Variants in DCAF6 observed in about 807,000 individuals in gnomAD.
The protein encoded by DCAF6 is DDB1 and CUL4 associated factor 6, also known as DDB1- and CUL4-associated factor 6.
A neutral mutation model predicts 125.1 loss-of-function variants in DCAF6; 54 were observed. The ratio of observed to expected loss-of-function variants is 0.43; its 90% CI spans 0.35 to 0.54. The LOEUF (loss-of-function observed/expected upper bound fraction) is 0.54. Ranked by LOEUF, DCAF6 falls within the 20% of genes least tolerant of loss-of-function variation. The pLI is 0.01. For synonymous variants in DCAF6, 371 were observed against 390.4 expected (o/e 0.95, Z 0.58); for missense variants, 934 against 1,161.7 (o/e 0.80, Z 2.85).
intron 18 of DCAF6, chr1:168,063,961 T>C: frequency 2.4e-6 from 1 of 408,290 alleles, no homozygotes; most frequent in Non-Finnish European, 4.1e-6. Flanking sequence ...AAAACTCTAC[T>C]AAAAAAATGC....
chr1:167,925,452 TATATATATATATATATATATATAC>T, the DCAF6 span, among the ~76,000 whole-genome samples: 1,331 of 112,538 alleles, frequency 0.012, 29 homozygotes, highest in East Asian at 0.061. Context: ...CATATATATA[TATATATATATATATATATATATAC>T]ATATACATAT....
At chr1:167,965,310 T>G (rs146327587) in intron 2 of DCAF6, among the ~76,000 whole-genome samples, 94 of 152,240 alleles carry the variant, frequency 6.2e-4, no homozygotes, top group African/African-American at 2.2e-3. Context: ...GTTAGTAGAT[T>G]AGGCTGGAGT....
At chr1:167,900,786 C>A in the DCAF6 span, among the ~76,000 whole-genome samples, 1 of 152,190 alleles carries the variant, frequency 6.6e-6, no homozygotes, top group Non-Finnish European at 1.5e-5. Context: ...CCCACCTTGG[C>A]CTCCCAAAGT....
chr1:168,071,799 A>G (rs1328123151), intron 21 of DCAF6, among the ~76,000 whole-genome samples: 1 of 152,238 alleles, frequency 6.6e-6, no homozygotes, highest in Non-Finnish European at 1.5e-5. Flanking sequence ...TCAAGGTCCT[A>G]CATGACATAC....
chr1:167,974,733 T>G, intron 3 of DCAF6, 97 bp from the exon 4 acceptor site: 1 of 897,482 alleles, frequency 1.1e-6, no homozygotes, highest in East Asian at 3.0e-5. Flanking sequence ...GAGATGAGAA[T>G]GTTAATGAGA....
intron 19 of DCAF6, 31 bp from the exon 20 acceptor site, chr1:168,066,346 C>A: frequency 2.1e-6 from 3 of 1,429,224 alleles, no homozygotes; most frequent in Non-Finnish European, 2.9e-6. Flanking sequence ...TGTTTCTAGG[C>A]TTCATATTAA....
At position 167,966,493 on chromosome 1, in the gene DCAF6, G is replaced by A. The variant is rs1676446858; in HGVS notation, c.160-136G>A. The A allele has an allele frequency of 1.5e-5, 9 of 605,354 alleles. No individual in the cohort carries two copies. In the South Asian group the frequency reaches 1.8e-4, roughly 12 times the overall value. The allele number at this position is 605,354 out of a possible 1,614,324, so 37.5% of individuals were successfully genotyped here. A position where few individuals can be genotyped will look rare whatever the true frequency, so the allele number is the denominator to read the frequency against. On this transcript the variant is annotated intron_variant, in intron 2 of 21. Coordinates refer to ENST00000367840, the MANE Select transcript of DCAF6 (RefSeq NM_001198956.2). Reference sequence around the variant, plus strand: ...TGTGGCCAAGGGAAGCCATAAGATTGGACACCCCTATGTTAAATACTTTTT... The same window carrying A: ...TGTGGCCAAGGGAAGCCATAAGATTAGACACCCCTATGTTAAATACTTTTT...
At chr1:168,053,020 G>A (rs1279844012) in intron 17 of DCAF6, among the ~76,000 whole-genome samples, 1 of 152,114 alleles carries the variant, frequency 6.6e-6, no homozygotes, top group Non-Finnish European at 1.5e-5. Context: ...AGGACTATTG[G>A]AGTTCTCTGA....
chr1:167,865,474 A>T, the DCAF6 span, among the ~76,000 whole-genome samples: 2 of 152,244 alleles, frequency 1.3e-5, no homozygotes, highest in Non-Finnish European at 2.9e-5. Flanking sequence ...CAAACATGAA[A>T]AATTGGATAA....
the DCAF6 span, among the ~76,000 whole-genome samples, chr1:167,929,362 A>G: frequency 6.6e-6 from 1 of 152,118 alleles, no homozygotes; most frequent in Non-Finnish European, 1.5e-5. Context: ...TCCGTCTCGA[A>G]AAAAGAAAAA....
intron 1 of DCAF6, among the ~76,000 whole-genome samples, chr1:167,938,397 T>A (rs1671682450): frequency 6.6e-6 from 1 of 152,242 alleles, no homozygotes; most frequent in Non-Finnish European, 1.5e-5. Context: ...TTTAAATTAT[T>A]ACATAGTAGG....
intron 3 of DCAF6, among the ~76,000 whole-genome samples, chr1:167,972,729 G>T (rs1677525902): frequency 6.6e-6 from 1 of 152,176 alleles, no homozygotes; most frequent in Admixed American, 6.5e-5. Flanking sequence ...TTTTTGACTT[G>T]ATCAACTGTA....
intron 3 of DCAF6, among the ~76,000 whole-genome samples, chr1:167,973,297 G>A (rs751985814): frequency 7.2e-5 from 11 of 152,180 alleles, no homozygotes; most frequent in Non-Finnish European, 1.3e-4. Flanking sequence ...AGGTGATATT[G>A]TGGTACATGA....
intron 11 of DCAF6, among the ~76,000 whole-genome samples, 173 bp from the exon 12 acceptor site, chr1:168,022,815 T>TA (rs928670310): frequency 6.6e-6 from 1 of 152,248 alleles, no homozygotes; most frequent in Admixed American, 6.5e-5. Flanking sequence ...TTGCCTGGAA[T>TA]AACATATCTT....
chr1:167,877,408 A>G, the DCAF6 span, among the ~76,000 whole-genome samples: 2 of 151,816 alleles, frequency 1.3e-5, no homozygotes, highest in African/African-American at 4.8e-5. Flanking sequence ...TGAAGGGAAT[A>G]ATAAAGACAC....
chr1:167,925,455 A>ATATATC, the DCAF6 span, among the ~76,000 whole-genome samples: 4 of 110,826 alleles, frequency 3.6e-5, no homozygotes, highest in African/African-American at 1.7e-4. Context: ...ATATATATAT[A>ATATATC]TATATATATA....
chr1:167,931,966 T>C (rs1331006401), upstream of DCAF6, among the ~76,000 whole-genome samples: 2 of 152,138 alleles, frequency 1.3e-5, no homozygotes, highest in Non-Finnish European at 2.9e-5. Context: ...TTCCCATGAG[T>C]CTTCAGAGGG....
upstream of DCAF6, among the ~76,000 whole-genome samples, chr1:167,933,773 T>C (rs1199760762): frequency 3.3e-5 from 5 of 152,214 alleles, no homozygotes; most frequent in Non-Finnish European, 7.3e-5. Context: ...AGCTCCTCCA[T>C]TTCTACACTG....
intron 7 of DCAF6, 105 bp downstream of exon 7, chr1:167,993,545 T>C (rs1681182540): frequency 2.3e-6 from 2 of 856,474 alleles, no homozygotes; most frequent in South Asian, 3.2e-5. Context: ...CGGTTGGGAG[T>C]TTGCAACCAG....
Sources: gnomAD v4.1 joint callset for allele counts (sites outside exome capture counted in the v4.1 genomes callset) on GRCh38, gnomAD v4.1.1 for gene constraint, MANE v1.5 for transcripts, NCBI Gene and HGNC (gene_info 2026-07-23, HGNC 2026-07-21) for gene names.